Variants in PSD3 observed in about 807,000 individuals in gnomAD.
The protein encoded by PSD3 is pleckstrin and Sec7 domain containing 3, also known as PH and SEC7 domain-containing protein 3.
In PSD3, 49 loss-of-function variants were observed where a neutral mutation model predicts 105.5. The ratio of observed to expected loss-of-function variants is 0.46; its 90% confidence interval spans 0.37 to 0.59. The LOEUF is 0.59. Among genes scored for constraint, PSD3 ranks in the 20% least tolerant of loss-of-function variants. The pLI, the probability that PSD3 is intolerant of heterozygous loss-of-function variation, is 0.00. For missense variants in PSD3, 1,561 were observed against 1,263.8 expected, an observed-to-expected ratio of 1.24 and a Z score of -3.57; for synonymous variants, 557 against 457.8, an observed-to-expected ratio of 1.22 and a Z score of -2.77.
At chr8:18,666,887 G>A (rs568657897) in intron 9 of PSD3, among the ~76,000 whole-genome samples, 28 of 152,308 alleles carry the variant, frequency 1.8e-4, no homozygotes, top group African/African-American at 6.5e-4. Context: ...ATTGTGTCCA[G>A]AATTGGTGGG....
chr8:18,863,430 T>C (rs1043712765), intron 4 of PSD3, among the ~76,000 whole-genome samples: 1 of 152,176 alleles, frequency 6.6e-6, no homozygotes, highest in Non-Finnish European at 1.5e-5. Flanking sequence ...GCCATGTAGC[T>C]GGGCTACATG....
intron 11 of PSD3, among the ~76,000 whole-genome samples, chr8:18,613,062 G>A (rs1386252757): frequency 2.6e-5 from 4 of 152,092 alleles, no homozygotes; most frequent in Admixed American, 1.3e-4. Context: ...TACCGGAAAC[G>A]TGTGTGGGAA....
intron 9 of PSD3, among the ~76,000 whole-genome samples, chr8:18,713,328 A>C (rs1802373018): frequency 6.6e-6 from 1 of 152,104 alleles, no homozygotes; most frequent in African/African-American, 2.4e-5. Flanking sequence ...TCAAATAGGA[A>C]GAGAAGTCAA....
intron 1 of PSD3, among the ~76,000 whole-genome samples, chr8:19,034,502 A>G (rs1429269282): frequency 6.6e-6 from 1 of 152,192 alleles, no homozygotes; most frequent in Non-Finnish European, 1.5e-5. Context: ...GCAAAGCAGT[A>G]ATTCTACATT....
At chr8:18,829,058 G>C (rs896506025) in intron 4 of PSD3, among the ~76,000 whole-genome samples, 1 of 152,106 alleles carries the variant, frequency 6.6e-6, no homozygotes, top group African/African-American at 2.4e-5. Flanking sequence ...GGGCGACAGA[G>C]TGAGACTCCG....
At chr8:18,749,060 G>C (rs1805264724) in intron 9 of PSD3, among the ~76,000 whole-genome samples, 2 of 152,236 alleles carry the variant, frequency 1.3e-5, no homozygotes, top group African/African-American at 4.8e-5. Flanking sequence ...AACTGTCTTA[G>C]TCCTTTTAAA....
intron 1 of PSD3, among the ~76,000 whole-genome samples, chr8:18,971,796 G>A (rs1824668103): frequency 1.3e-5 from 2 of 152,224 alleles, no homozygotes; most frequent in Admixed American, 1.3e-4. Flanking sequence ...CTTGAGGTCA[G>A]GAGTTCAAGA....
At chr8:19,043,325 T>C (rs1828191090) in intron 1 of PSD3, among the ~76,000 whole-genome samples, 1 of 152,228 alleles carries the variant, frequency 6.6e-6, no homozygotes, top group Non-Finnish European at 1.5e-5. Flanking sequence ...CATACTATGA[T>C]ACTCAGCTGA....
rs538329541 is a variant in PSD3, at chr8:19,031,786, G to A, written c.324+52420C>T. 8.5e-5 allele frequency among the ~76,000 whole-genome samples: 13 copies of A among 152,214 alleles called. No homozygotes were observed. The South Asian group carries it at 2.1e-3, about 24-fold the overall frequency. On this transcript the variant is annotated intron_variant, in intron 1 of 1. Transcript: ENST00000521475. ...AATAGGGGCAGAAAAATAAACCCACGAGCAAAACACTTAGTCTCATAGAAC... is the reference window on the plus strand; with the variant it reads ...AATAGGGGCAGAAAAATAAACCCACAAGCAAAACACTTAGTCTCATAGAAC...
At position 18,552,445 on chromosome 8, in the gene PSD3, C is replaced by G. The variant is rs1373861661; in HGVS notation, c.2928+3764G>C. The stretch of plus-strand genomic sequence containing the variant: ...CATAAAACCAAAACATTAGGGCCAA[C>G]TGCATTGCTGTCAAGGGAATTTCTC... On this transcript the variant is annotated intron_variant, in intron 15 of 15. Transcript: ENST00000327040. 5.9e-5 allele frequency among the ~76,000 whole-genome samples: 9 copies of G among 152,290 alleles called. 1 individual carries two copies. The highest frequency in any genetic ancestry group is 4.1e-4 in the South Asian group (2 of 4,828).
At chr8:18,571,431 C>A (rs77436079) in intron 14 of PSD3, among the ~76,000 whole-genome samples, 2 of 152,154 alleles carry the variant, frequency 1.3e-5, no homozygotes, top group Non-Finnish European at 2.9e-5. Context: ...TTAAGCTGCA[C>A]ATTAGGTACC....
At chr8:18,548,720 G>C (rs7016386) in intron 15 of PSD3, among the ~76,000 whole-genome samples, 1,844 of 152,268 alleles carry the variant, frequency 0.012, 37 homozygotes, top group African/African-American at 0.04. Flanking sequence ...GTTTGCACTT[G>C]CTATCTGCAG....
intron 9 of PSD3, chr8:18,732,949 C>G (rs187904081): frequency 2.0e-5 from 3 of 152,288 alleles, no homozygotes; most frequent in African/African-American, 7.2e-5. Flanking sequence ...ACGCCCCCTC[C>G]CTATCACCAC....
chr8:19,035,500 G>C (rs1226389790), intron 1 of PSD3, among the ~76,000 whole-genome samples: 1 of 137,186 alleles, frequency 7.3e-6, no homozygotes, highest in East Asian at 2.3e-4. Flanking sequence ...CTTTGAATTA[G>C]GAAAAGGATT....
chr8:18,959,546 T>G (rs1194896495), intron 1 of PSD3, among the ~76,000 whole-genome samples: 1 of 151,606 alleles, frequency 6.6e-6, no homozygotes. Context: ...TAAGCAACGG[T>G]GCTCATCTCC....
chr8:18,547,077 G>C (rs368017985), intron 15 of PSD3, among the ~76,000 whole-genome samples: 4 of 152,114 alleles, frequency 2.6e-5, no homozygotes, highest in Admixed American at 6.6e-5. Flanking sequence ...AATTTGTCTC[G>C]TGTGCAGGAT....
At chr8:19,024,857 G>A (rs141216296) in intron 1 of PSD3, among the ~76,000 whole-genome samples, 1 of 152,238 alleles carries the variant, frequency 6.6e-6, no homozygotes, top group East Asian at 1.9e-4. Flanking sequence ...CCTGTCCTAT[G>A]CATTCCTTTC....
intron 14 of PSD3, among the ~76,000 whole-genome samples, chr8:18,562,876 G>A (rs1334295129): frequency 2.0e-5 from 3 of 151,336 alleles, no homozygotes; most frequent in African/African-American, 7.3e-5. Flanking sequence ...GCGACAGAGT[G>A]AGACTCTGTC....
chr8:19,063,872 T>C (rs1828985377), intron 1 of PSD3, among the ~76,000 whole-genome samples: 2 of 152,166 alleles, frequency 1.3e-5, no homozygotes, highest in Non-Finnish European at 2.9e-5. Flanking sequence ...CCGGGCACAG[T>C]GGCTCAGACC....
Sources: gnomAD v4.1 joint callset for allele counts (sites outside exome capture counted in the v4.1 genomes callset) on GRCh38, gnomAD v4.1.1 for gene constraint, MANE v1.5 for transcripts, NCBI Gene and HGNC (gene_info 2026-07-23, HGNC 2026-07-21) for gene names.